AUTS2: variants seen among roughly 807,000 people sequenced by gnomAD.
AUTS2 encodes the protein activator of transcription and developmental regulator AUTS2, also known as autism susceptibility gene 2 protein.
AUTS2 carries 17 observed loss-of-function variants against 112.4 expected under a neutral mutation model. That is an observed-to-expected ratio of 0.15 (90% CI 0.10 to 0.23). The LOEUF is 0.23. Ranked by LOEUF, AUTS2 falls within the 10% of genes least tolerant of loss-of-function variation. The pLI, the probability that AUTS2 is intolerant of heterozygous loss-of-function variation, is 1.00. For missense variants in AUTS2, 1,510 were observed against 1,701.6 expected, an observed-to-expected ratio of 0.89 and a Z score of 1.98; for synonymous variants, 751 against 702.7, an observed-to-expected ratio of 1.07 and a Z score of -1.09.
intron 5 of AUTS2, among the ~76,000 whole-genome samples, chr7:70,633,870 A>G (rs1309482971): frequency 6.6e-6 from 1 of 152,224 alleles, no homozygotes; most frequent in Non-Finnish European, 1.5e-5. Flanking sequence ...ACATTCACAG[A>G]TAAATGTGGA....
intron 4 of AUTS2, among the ~76,000 whole-genome samples, chr7:70,209,257 T>C (rs1002465826): frequency 1.3e-5 from 2 of 152,180 alleles, no homozygotes; most frequent in Non-Finnish European, 2.9e-5. Flanking sequence ...GAGTTTAGCT[T>C]GAGCAGCTGG....
chr7:69,954,179 C>T (rs2129546269), intron 2 of AUTS2, among the ~76,000 whole-genome samples: 1 of 152,252 alleles, frequency 6.6e-6, no homozygotes, highest in South Asian at 2.1e-4. Context: ...TACCGCTTTT[C>T]TTTTTATAGT....
intron 2 of AUTS2, among the ~76,000 whole-genome samples, chr7:70,101,817 CCT>C (rs1293910090): frequency 2.6e-5 from 4 of 152,098 alleles, no homozygotes; most frequent in African/African-American, 9.7e-5. Context: ...AAAAATATGT[CCT>C]CTGTCTCCCA....
Position 70,631,832 on chromosome 7 carries a change from G to A in AUTS2, c.691-66737G>A, listed in dbSNP as rs1162385998. Among the ~76,000 whole-genome samples the A allele has an allele frequency of 3.9e-5, 6 of 152,016 alleles. No homozygotes were observed. Among genetic ancestry groups the A allele is most frequent in the Non-Finnish European group, 8.8e-5 (6 of 67,996 alleles). On this transcript the variant is annotated intron_variant, in intron 5 of 18. Coordinates refer to ENST00000342771, the MANE Select transcript of AUTS2 (RefSeq NM_015570.4). This position sits in a 1 kb window ranked among gnomAD's most constrained non-coding sequence, Gnocchi z 4.5. ...CGCCCGTGTGTGCTAACTTGCTAGG[G>A]GGCAGGGCGCACTCTGCCGCTTTGG...
intron 5 of AUTS2, among the ~76,000 whole-genome samples, chr7:70,695,629 G>A (rs1035889282): frequency 3.9e-5 from 6 of 152,370 alleles, no homozygotes; most frequent in South Asian, 2.1e-4. Flanking sequence ...TGGGCCTGAA[G>A]CAGGAATCGC....
chr7:69,600,036 C>G (rs1189289708), intron 1 of AUTS2, 74 bp downstream of exon 1: 1 of 1,476,270 alleles, frequency 6.8e-7, no homozygotes, highest in East Asian at 2.4e-5. Flanking sequence ...TCTCCTGCCT[C>G]CCTCGCCGCG....
At chr7:70,632,890 G>T (rs552545045) in intron 5 of AUTS2, among the ~76,000 whole-genome samples, 27 of 152,212 alleles carry the variant, frequency 1.8e-4, no homozygotes, top group African/African-American at 6.5e-4. Flanking sequence ...CAGTTCACAG[G>T]CTGGACCTTT....
chr7:69,682,230 G>A (rs1042993301), intron 1 of AUTS2, among the ~76,000 whole-genome samples: 1 of 152,158 alleles, frequency 6.6e-6, no homozygotes, highest in African/African-American at 2.4e-5. Flanking sequence ...TTCTTTGTAG[G>A]TGGGGAGGAT....
chr7:69,728,680 C>CTTTTTTTT (rs5884765), intron 1 of AUTS2, among the ~76,000 whole-genome samples: 2 of 128,724 alleles, frequency 1.6e-5, no homozygotes, highest in Non-Finnish European at 3.2e-5. Context: ...TTGCTTGTGG[C>CTTTTTTTT]TTTTTTTTTT....
intron 2 of AUTS2, among the ~76,000 whole-genome samples, chr7:69,992,637 G>A (rs932201062): frequency 3.3e-5 from 5 of 152,276 alleles, no homozygotes; most frequent in East Asian, 1.9e-4. Flanking sequence ...GATTATAGGA[G>A]TTTACCAGTC....
At chr7:70,649,779 C>T (rs762787719) in intron 5 of AUTS2, among the ~76,000 whole-genome samples, 36 of 152,030 alleles carry the variant, frequency 2.4e-4, no homozygotes, top group Non-Finnish European at 5.0e-4. Context: ...TCACCCGCCT[C>T]GGTGTCCAAA....
chr7:69,640,751 T>C (rs1794765240), intron 1 of AUTS2, among the ~76,000 whole-genome samples: 1 of 152,296 alleles, frequency 6.6e-6, no homozygotes, highest in East Asian at 1.9e-4. Context: ...CACTTGTTAA[T>C]ATCCCCCAGA....
At chr7:69,806,344 A>G (rs1790306743) in intron 1 of AUTS2, among the ~76,000 whole-genome samples, 1 of 151,870 alleles carries the variant, frequency 6.6e-6, no homozygotes, top group Admixed American at 6.6e-5. Flanking sequence ...TAGAAATGAA[A>G]TATGATAATA....
intron 1 of AUTS2, among the ~76,000 whole-genome samples, chr7:69,704,931 A>G (rs1223514503): frequency 6.6e-6 from 1 of 152,152 alleles, no homozygotes; most frequent in Non-Finnish European, 1.5e-5. Flanking sequence ...CAGTGGCACA[A>G]TCACAACTCA....
At chr7:70,009,234 T>G (rs903433320) in intron 2 of AUTS2, among the ~76,000 whole-genome samples, 6 of 152,050 alleles carry the variant, frequency 3.9e-5, no homozygotes, top group Non-Finnish European at 7.4e-5. Flanking sequence ...CCAACCCAAC[T>G]CCAGTGTGAA....
chr7:70,728,904 G>A (rs565461104), intron 6 of AUTS2, among the ~76,000 whole-genome samples: 4 of 151,968 alleles, frequency 2.6e-5, no homozygotes, highest in Admixed American at 6.6e-5. Flanking sequence ...TCCACAGATC[G>A]TTTCCTTAAC....
chr7:69,921,698 G>GCCT (rs1314329845), intron 2 of AUTS2, among the ~76,000 whole-genome samples: 1 of 148,272 alleles, frequency 6.7e-6, no homozygotes, highest in East Asian at 2.0e-4. Flanking sequence ...TTGAACCCAG[G>GCCT]AGGCAGTGAG....
chr7:69,924,183 T>C (rs1243024694), intron 2 of AUTS2, among the ~76,000 whole-genome samples: 2 of 152,114 alleles, frequency 1.3e-5, no homozygotes, highest in East Asian at 3.8e-4. Context: ...TTTTTTTGTC[T>C]ATCAAGATGA....
intron 4 of AUTS2, among the ~76,000 whole-genome samples, chr7:70,303,731 C>T (rs1445528551): frequency 6.6e-6 from 1 of 152,178 alleles, no homozygotes; most frequent in Non-Finnish European, 1.5e-5. Flanking sequence ...CCTCAATCTG[C>T]ATTATACATG....
Sources: allele counts gnomAD v4.1 joint callset (sites outside exome capture counted in the v4.1 genomes callset), GRCh38; gene constraint gnomAD v4.1.1; non-coding constraint Gnocchi (gnomAD v3.1); transcripts MANE v1.5; gene names NCBI Gene and HGNC (gene_info 2026-07-23, HGNC 2026-07-21).